Variants in SORCS3 observed in about 807,000 individuals in gnomAD.
SORCS3 encodes VPS10 domain-containing receptor SorCS3.
Under a neutral mutation model 146.3 loss-of-function variants are expected in SORCS3, and 57 were observed. The ratio of observed to expected loss-of-function variants is 0.39; its 90% confidence interval spans 0.31 to 0.49. SORCS3 has a LOEUF of 0.49. SORCS3 is among the 20% of genes least tolerant of loss of function. The pLI, the probability that SORCS3 is intolerant of heterozygous loss-of-function variation, is 0.92. For synonymous variants in SORCS3, 653 were observed against 618.5 expected (o/e 1.06, Z -0.83); for missense variants, 1,341 against 1,575.5 (o/e 0.85, Z 2.52).
At chr10:105,128,527 A>G (rs887542868) in intron 7 of SORCS3, among the ~76,000 whole-genome samples, 1 of 152,134 alleles carries the variant, frequency 6.6e-6, no homozygotes, top group East Asian at 1.9e-4. Flanking sequence ...ATGTATTTTG[A>G]ACATGTCAAT....
At chr10:105,073,214 G>A (rs889168307) in intron 5 of SORCS3, among the ~76,000 whole-genome samples, 2 of 152,114 alleles carry the variant, frequency 1.3e-5, no homozygotes, top group African/African-American at 4.8e-5. Context: ...GATCAGCCAG[G>A]TTTAGCTTTC....
At chr10:104,780,375 T>C (rs2133491456) in intron 1 of SORCS3, among the ~76,000 whole-genome samples, 1 of 152,246 alleles carries the variant, frequency 6.6e-6, no homozygotes, top group Non-Finnish European at 1.5e-5. Flanking sequence ...AAAGGGAAGC[T>C]ATTAATAAAC....
At chr10:104,815,388 G>T (rs1249993956) in intron 1 of SORCS3, among the ~76,000 whole-genome samples, 4 of 143,156 alleles carry the variant, frequency 2.8e-5, no homozygotes. Context: ...GACGAAGGTG[G>T]CAGTGAGCCG....
At chr10:105,183,984 G>T (rs762068785) in intron 14 of SORCS3, among the ~76,000 whole-genome samples, 2 of 152,188 alleles carry the variant, frequency 1.3e-5, no homozygotes, top group Non-Finnish European at 2.9e-5. Context: ...GCTTCACTCC[G>T]CTCTGAGCTC....
intron 2 of SORCS3, among the ~76,000 whole-genome samples, chr10:104,886,258 T>C (rs1242675649): frequency 6.6e-6 from 1 of 152,180 alleles, no homozygotes; most frequent in African/African-American, 2.4e-5. Flanking sequence ...GCCCTGTATG[T>C]GAGCAGCCAA....
At chr10:104,790,649 T>G (rs149072870) in intron 1 of SORCS3, among the ~76,000 whole-genome samples, 7 of 152,344 alleles carry the variant, frequency 4.6e-5, no homozygotes, top group Non-Finnish European at 1.0e-4. Context: ...CCATGTTTTT[T>G]TTCCCCCTAA....
intron 1 of SORCS3, among the ~76,000 whole-genome samples, chr10:104,777,441 G>T (rs2017322830): frequency 6.6e-6 from 1 of 152,182 alleles, no homozygotes; most frequent in African/African-American, 2.4e-5. Flanking sequence ...CTCAGTGAGG[G>T]GTGTGAGCAG....
intron 17 of SORCS3, 61 bp from the exon 18 acceptor site, chr10:105,214,381 C>CACACAA (rs2119648664): frequency 6.4e-7 from 1 of 1,568,222 alleles, no homozygotes; most frequent in Admixed American, 1.7e-5. Context: ...CACACACACA[C>CACACAA]ATACAACAGC....
At chr10:104,947,534 A>G (rs1415463707) in intron 3 of SORCS3, among the ~76,000 whole-genome samples, 2 of 152,134 alleles carry the variant, frequency 1.3e-5, no homozygotes, top group Non-Finnish European at 2.9e-5. Flanking sequence ...CTGCAGTGAT[A>G]CATCATCCGC....
chr10:105,130,200 C>A (rs929438273), intron 7 of SORCS3, among the ~76,000 whole-genome samples: 1 of 152,116 alleles, frequency 6.6e-6, no homozygotes, highest in African/African-American at 2.4e-5. Context: ...GGTTAAATTA[C>A]TTGTACAAGG....
intron 14 of SORCS3, among the ~76,000 whole-genome samples, chr10:105,190,937 C>T (rs933720500): frequency 1.3e-5 from 2 of 152,108 alleles, no homozygotes; most frequent in African/African-American, 4.8e-5. Flanking sequence ...AACTCAAAAT[C>T]GTGTTAGATA....
intron 19 of SORCS3, chr10:105,217,930 A>G: frequency 8.8e-6 from 4 of 453,778 alleles, no homozygotes; most frequent in South Asian, 1.6e-5. Flanking sequence ...AAGGACTTCC[A>G]TGGTTCTTAC....
At chr10:104,734,755 A>G (rs2016748716) in intron 1 of SORCS3, among the ~76,000 whole-genome samples, 1 of 152,232 alleles carries the variant, frequency 6.6e-6, no homozygotes, top group African/African-American at 2.4e-5. Context: ...CAATGAAAAT[A>G]CATCTGCAGG....
At chr10:104,937,062 C>T (rs2019267587) in intron 3 of SORCS3, among the ~76,000 whole-genome samples, 1 of 152,164 alleles carries the variant, frequency 6.6e-6, no homozygotes, top group South Asian at 2.1e-4. Context: ...TCAGATGAAA[C>T]TGTTCTATCT....
At position 104,641,423 on chromosome 10, in the gene SORCS3, C is replaced by A; in HGVS notation, c.96C>A (p.Gly32=). The A allele has an allele frequency of 6.8e-7, 1 of 1,469,314 alleles. No individual in the cohort carries two copies. The allele number at this position is 1,469,314 out of a possible 1,614,324, so 91.0% of individuals were successfully genotyped here. A position where few individuals can be genotyped will look rare whatever the true frequency, so the allele number is the denominator to read the frequency against. Residue 32 remains glycine (G), a synonymous_variant, in exon 1 of 27, where the codon GGC becomes GGA. Coordinates refer to ENST00000369701, the MANE Select transcript of SORCS3 (RefSeq NM_014978.3). The surrounding 1 kb of genome is among the most constrained non-coding windows in gnomAD (Gnocchi z 6.4). ...LLLLSTWVLA[G]AEITWDATGG... ...TCTTGTCGACGTGGGTCCTGGCCGGCGCCGAGATCACTTGGGACGCGACAG... is the reference window on the plus strand; with the variant it reads ...TCTTGTCGACGTGGGTCCTGGCCGGAGCCGAGATCACTTGGGACGCGACAG...
chr10:105,145,294 C>T (rs2056123120), intron 8 of SORCS3, among the ~76,000 whole-genome samples: 1 of 152,048 alleles, frequency 6.6e-6, no homozygotes, highest in Non-Finnish European at 1.5e-5. Flanking sequence ...TTAGCTTTGG[C>T]AAATTAAGGA....
At chr10:105,239,760 G>A (rs1218455366) in intron 20 of SORCS3, among the ~76,000 whole-genome samples, 1 of 152,196 alleles carries the variant, frequency 6.6e-6, no homozygotes, top group Admixed American at 6.5e-5. Flanking sequence ...CTTAATAAAT[G>A]TGTCTGCTTG....
At chr10:104,757,870 C>T (rs1022420101) in intron 1 of SORCS3, among the ~76,000 whole-genome samples, 2 of 10,288 alleles carry the variant, frequency 1.9e-4, no homozygotes, top group South Asian at 5.2e-3. Flanking sequence ...CCCCCCCCCA[C>T]ACCCGCTGCC....
chr10:104,984,967 C>G (rs1224996063), intron 4 of SORCS3, among the ~76,000 whole-genome samples: 1 of 152,094 alleles, frequency 6.6e-6, no homozygotes, highest in East Asian at 1.9e-4. Flanking sequence ...AGGATCTTAC[C>G]TTGTTATAGA....
Sources: gnomAD v4.1 joint callset for allele counts (sites outside exome capture counted in the v4.1 genomes callset) on GRCh38, gnomAD v4.1.1 for gene constraint, Gnocchi (gnomAD v3.1) non-coding constraint, MANE v1.5 for transcripts, NCBI Gene and HGNC (gene_info 2026-07-23, HGNC 2026-07-21) for gene names.